Variants in GPRC5B observed in about 807,000 individuals in gnomAD.
GPRC5B encodes G protein-coupled receptor family C group 5 member B.
Under a neutral mutation model 30.1 loss-of-function variants are expected in GPRC5B, and 16 were observed. That is an observed-to-expected ratio of 0.53 (90% CI 0.36 to 0.81). The LOEUF is 0.81. GPRC5B is among the 30% of genes least tolerant of loss of function. The probability of loss-of-function intolerance (pLI) is 0.01; values close to 1 mark genes in which losing one functional copy is unlikely to be tolerated. For missense variants in GPRC5B, 428 were observed against 544.7 expected (o/e 0.79, Z 2.13); for synonymous variants, 241 against 239.5 (o/e 1.01, Z -0.06).
At chr16:19,865,805 C>T (rs1181958287) in intron 2 of GPRC5B, among the ~76,000 whole-genome samples, 1 of 152,160 alleles carries the variant, frequency 6.6e-6, no homozygotes, top group Non-Finnish European at 1.5e-5. Context: ...AAAGCAAGCA[C>T]GCTGAAGAAC....
At chr16:19,861,548 G>C (rs1190228876) in intron 3 of GPRC5B, among the ~76,000 whole-genome samples, 1 of 152,064 alleles carries the variant, frequency 6.6e-6, no homozygotes, top group Non-Finnish European at 1.5e-5. Context: ...CACCTCCCAG[G>C]GACAGAGTGA....
chr16:19,882,665 G>A (rs748863247), intron 1 of GPRC5B, among the ~76,000 whole-genome samples: 13 of 152,254 alleles, frequency 8.5e-5, no homozygotes, highest in African/African-American at 2.6e-4. Flanking sequence ...CCTTGTCAAC[G>A]TCAGGGGAGC....
At position 19,872,678 on chromosome 16, in the gene GPRC5B, G is replaced by A. The variant is rs976485453; in HGVS notation, c.168C>T (p.Gly56=). 6.2e-7 allele frequency: 1 copy of A among 1,614,114 alleles called. No homozygotes were observed. ...VSLCDLDAIW[G]IVVEAVAGAG... ...CCCCGGCCACCGCCTCCACCACAAT[G>A]CCCCAGATGGCGTCCAGGTCGCACA... Residue 56 remains glycine, a synonymous_variant, in exon 2 of 4, where the codon GGC becomes GGT. Coordinates refer to ENST00000300571, the MANE Select transcript of GPRC5B (RefSeq NM_016235.3). This position sits in a 1 kb window ranked among gnomAD's most constrained non-coding sequence, Gnocchi z 5.0.
At position 19,857,430 on chromosome 16, in the gene GPRC5B, A is replaced by C. The variant is rs941663491; in HGVS notation, c.*3070T>G. 2.3e-6 allele frequency: 1 copy of C among 440,276 alleles called. No individual in the cohort carries two copies. The highest frequency in any genetic ancestry group is 2.0e-5 in the African/African-American group (1 of 48,836). The allele number at this position is 440,276 out of a possible 1,614,324, so 27.3% of individuals were successfully genotyped here. ...TATGGTACATATTGATTGTCTTGAA[A>C]TTTCTTTAACTTCTTTTTTATAAGT... On this transcript the variant is annotated 3_prime_UTR_variant, in exon 4 of 4. Transcript: ENST00000300571.
At position 19,857,414 on chromosome 16, in the gene GPRC5B, TATTG is replaced by T. The variant is rs1452846702; in HGVS notation, c.*3082_*3085del. 41 of 438,780 alleles carry T rather than the reference TATTG, an allele frequency of 9.3e-5. No homozygotes were observed. The highest frequency in any genetic ancestry group is 1.6e-4 in the Non-Finnish European group (36 of 223,038). The allele number at this position is 438,780 out of a possible 1,614,324, so 27.2% of individuals were successfully genotyped here. The stretch of plus-strand genomic sequence containing the variant: ...TATTTATATAGTCGTTTATGGTACA[TATTG>T]ATTGTCTTGAAATTTCTTTAACTTC... On this transcript the variant is annotated 3_prime_UTR_variant, in exon 4 of 4. Transcript: ENST00000300571.
chr16:19,884,102 G>A (rs2056831372), intron 1 of GPRC5B, among the ~76,000 whole-genome samples: 1 of 108,136 alleles, frequency 9.2e-6, no homozygotes, highest in African/African-American at 3.8e-5. Context: ...GCCATTGTAT[G>A]CAGCCGCCCC....
At chr16:19,871,557 G>A (rs1876515155) in intron 2 of GPRC5B, among the ~76,000 whole-genome samples, 1 of 152,216 alleles carries the variant, frequency 6.6e-6, no homozygotes, top group Non-Finnish European at 1.5e-5. Flanking sequence ...AGGAGGCGGA[G>A]GTTGCAGTGA....
rs577064807 is a variant in GPRC5B at position 19,879,431 on chromosome 16, C to A, written c.-2+5296G>T. On this transcript the variant is annotated intron_variant, in intron 1 of 3. Transcript: ENST00000300571. Reference sequence around the variant, plus strand: ...TCTCTCTCTCACACACACACACACACCACACACACAGACACACACACACGC... The same window carrying A: ...TCTCTCTCTCACACACACACACACAACACACACACAGACACACACACACGC... Among the ~76,000 whole-genome samples, 3 of 144,964 alleles carry A rather than the reference C, an allele frequency of 2.1e-5. No individual in the cohort carries two copies. The East Asian group carries it at 5.8e-4, about 28-fold the overall frequency.
chr16:19,876,914 G>C (rs957268717), intron 1 of GPRC5B, among the ~76,000 whole-genome samples: 15 of 152,314 alleles, frequency 9.8e-5, no homozygotes, highest in African/African-American at 3.4e-4. Context: ...ATCTGTCCTA[G>C]GCCTGGCCAA....
Position 19,871,906 on chromosome 16 carries a change from T to C in GPRC5B, c.940A>G (p.Arg314Gly), listed in dbSNP as rs145563587. 1.2e-3 allele frequency: 1,958 copies of C among 1,614,044 alleles called. 5 individuals carry two copies. Among genetic ancestry groups the C allele is most frequent in the Non-Finnish European group, 1.4e-3 (1,618 of 1,180,014 alleles). ...TPNYFDTSQP[R>G]MRETAFEEDV... ...TCCTCGAAGGCCGTCTCCCGCATCC[T>C]GGGCTGCGACGTGTCGAAGTAGTTG... The change falls in exon 2 of 4, where the codon AGG (arginine) becomes GGG (glycine). Residue 314 changes from arginine (R) to glycine (G), a missense_variant. Physicochemically the swap from Arg to Gly is moderately radical, Grantham distance 125. Coordinates refer to ENST00000300571, the MANE Select transcript of GPRC5B (RefSeq NM_016235.3).
chr16:19,871,281 C>CAAAAAA (rs71375667), intron 2 of GPRC5B, among the ~76,000 whole-genome samples: 31 of 70,196 alleles, frequency 4.4e-4, no homozygotes, highest in African/African-American at 7.2e-4. Flanking sequence ...GACCCTGTCT[C>CAAAAAA]AAAAAAAAAA....
intron 2 of GPRC5B, among the ~76,000 whole-genome samples, chr16:19,869,842 T>G (rs191438933): frequency 1.1e-3 from 170 of 152,142 alleles, no homozygotes; most frequent in Admixed American, 2.7e-3. Context: ...GAAGCTGAGG[T>G]GGGGGGATCA....
intron 1 of GPRC5B, among the ~76,000 whole-genome samples, chr16:19,873,984 T>G (rs1302435450): frequency 6.6e-6 from 1 of 152,166 alleles, no homozygotes; most frequent in Non-Finnish European, 1.5e-5. Flanking sequence ...GGTTTCACCA[T>G]GTTGGCCAGG....
chr16:19,876,931 C>A (rs184176877), intron 1 of GPRC5B, among the ~76,000 whole-genome samples: 1 of 152,346 alleles, frequency 6.6e-6, no homozygotes, highest in African/African-American at 2.4e-5. Context: ...CCAATCAGAG[C>A]ATTTATGCTA....
In GPRC5B at chr16:19,858,633, C is replaced by T. The variant is rs577492322; in HGVS notation, c.*1867G>A. On this transcript the variant is annotated 3_prime_UTR_variant, in exon 4 of 4. Coordinates refer to ENST00000300571, the MANE Select transcript of GPRC5B (RefSeq NM_016235.3). The stretch of plus-strand genomic sequence containing the variant: ...TTCTTTCTTTTCAGAATACCGGGTC[C>T]GCATGCAACCGCCCCCACCCCCACC... 2.4e-4 allele frequency: 136 copies of T among 556,616 alleles called. 5 individuals carry two copies. In the South Asian group the frequency reaches 3.0e-3, roughly 12 times the overall value. The allele number at this position is 556,616 out of a possible 1,614,324, so 34.5% of individuals were successfully genotyped here. A position where few individuals can be genotyped will look rare whatever the true frequency, so the allele number is the denominator to read the frequency against.
At position 19,871,861 on chromosome 16, in the gene GPRC5B, C is replaced by T. The variant is rs769697602; in HGVS notation, c.985G>A (p.Ala329Thr). The change falls in exon 2 of 4, where the codon GCC (alanine) becomes ACC (threonine). Residue 329 changes from alanine (A) to threonine (T), a missense_variant. By Grantham distance (58) the Ala-to-Thr change is moderately conservative (BLOSUM62 0). Transcript: ENST00000300571. ...GAGAAGGCCTTGTTCTCCATATAGGCCCGCGGCAGCTGCACGTCCTCCTCG... is the reference window on the plus strand; with the variant it reads ...GAGAAGGCCTTGTTCTCCATATAGGTCCGCGGCAGCTGCACGTCCTCCTCG... Reference protein sequence around the residue: ...AFEEDVQLPRAYMENKAFSMD... With the variant: ...AFEEDVQLPRTYMENKAFSMD... The T allele has an allele frequency of 5.0e-6, 8 of 1,614,026 alleles. No individual in the cohort carries two copies. The highest frequency in any genetic ancestry group is 2.2e-5 in the South Asian group (2 of 91,076).
At chr16:19,866,181 C>G (rs957048566) in intron 2 of GPRC5B, among the ~76,000 whole-genome samples, 1 of 152,086 alleles carries the variant, frequency 6.6e-6, no homozygotes, top group African/African-American at 2.4e-5. Flanking sequence ...CCTGCCTCGG[C>G]CTCCCAAAGT....
chr16:19,869,103 C>T (rs1333762924), intron 2 of GPRC5B, among the ~76,000 whole-genome samples: 9 of 151,906 alleles, frequency 5.9e-5, no homozygotes, highest in East Asian at 5.8e-4. Context: ...CCAAGGCAGG[C>T]GGATCACATG....
intron 1 of GPRC5B, among the ~76,000 whole-genome samples, chr16:19,875,944 G>A (rs2056756572): frequency 6.6e-6 from 1 of 152,156 alleles, no homozygotes; most frequent in Non-Finnish European, 1.5e-5. Flanking sequence ...TTAAGAACTG[G>A]AGGTGTCAGA....
Sources: allele counts gnomAD v4.1 joint callset (sites outside exome capture counted in the v4.1 genomes callset), GRCh38; gene constraint gnomAD v4.1.1; non-coding constraint Gnocchi (gnomAD v3.1); transcripts MANE v1.5; gene names NCBI Gene and HGNC (gene_info 2026-07-23, HGNC 2026-07-21).